Variants in GALNT17 observed in about 807,000 individuals in gnomAD.
The protein encoded by GALNT17 is UDP-GalNAc:polypeptide N-acetylgalactosaminyltransferase-like 3.
A neutral mutation model predicts 63.7 loss-of-function variants in GALNT17; 29 were observed. The observed-to-expected ratio is 0.46, with a 90% CI of 0.34 to 0.62. The LOEUF is 0.62. Ranked by LOEUF, GALNT17 falls within the 20% of genes least tolerant of loss-of-function variation. The pLI is 0.01. For missense variants in GALNT17, 603 were observed against 799.6 expected, an observed-to-expected ratio of 0.75 and a Z score of 2.97; for synonymous variants, 305 against 318.3, an observed-to-expected ratio of 0.96 and a Z score of 0.45.
At chr7:71,532,768 CAT>C (rs1157600779) in intron 5 of GALNT17, among the ~76,000 whole-genome samples, 2 of 152,188 alleles carry the variant, frequency 1.3e-5, no homozygotes, top group South Asian at 2.1e-4. Context: ...CTTCTACTCT[CAT>C]GTGGGGAGGA....
At chr7:71,701,504 G>C (rs763498159) in intron 9 of GALNT17, among the ~76,000 whole-genome samples, 4 of 151,278 alleles carry the variant, frequency 2.6e-5, no homozygotes, top group Non-Finnish European at 5.9e-5. Flanking sequence ...AAAAAAAAAA[G>C]AATATGACAT....
At chr7:71,597,646 G>A (rs998056132) in intron 6 of GALNT17, among the ~76,000 whole-genome samples, 1 of 152,212 alleles carries the variant, frequency 6.6e-6, no homozygotes, top group African/African-American at 2.4e-5. Flanking sequence ...AGGCGTTACA[G>A]TGATGGAGGG....
intron 5 of GALNT17, among the ~76,000 whole-genome samples, chr7:71,421,908 C>T (rs1385514147): frequency 6.6e-6 from 1 of 150,842 alleles, no homozygotes; most frequent in Non-Finnish European, 1.5e-5. Context: ...TGAGATCATG[C>T]CATTGCACTC....
At chr7:71,496,920 A>C (rs1314372028) in intron 5 of GALNT17, among the ~76,000 whole-genome samples, 1 of 151,492 alleles carries the variant, frequency 6.6e-6, no homozygotes, top group Non-Finnish European at 1.5e-5. Flanking sequence ...CAAAAATTAA[A>C]AAAAAAAAAT....
At chr7:71,490,408 C>T (rs1308532420) in intron 5 of GALNT17, among the ~76,000 whole-genome samples, 3 of 152,116 alleles carry the variant, frequency 2.0e-5, no homozygotes, top group Non-Finnish European at 4.4e-5. Context: ...CAAGTTATTC[C>T]TATCAGGGGC....
At chr7:71,639,163 A>G (rs1205871979) in intron 6 of GALNT17, among the ~76,000 whole-genome samples, 1 of 152,220 alleles carries the variant, frequency 6.6e-6, no homozygotes, top group African/African-American at 2.4e-5. Context: ...TGGGATTATT[A>G]TGCGTTACAT....
chr7:71,539,681 T>C lies in GALNT17; in HGVS notation c.963-31604T>C, dbSNP rs563249092. ...TGCATCAGAGACACATATGGACACA[T>C]ATCTATTTCAGGAGTTTAGTCCCAC... On this transcript the variant is annotated intron_variant, in intron 5 of 10. Coordinates refer to ENST00000333538, the MANE Select transcript of GALNT17 (RefSeq NM_022479.3). Among the ~76,000 whole-genome samples, 3 of 150,840 alleles carry C rather than the reference T, an allele frequency of 2.0e-5. No homozygotes were observed. In the South Asian group the frequency reaches 6.3e-4, roughly 32 times the overall value.
At chr7:71,313,433 C>T (rs1275225582) in intron 1 of GALNT17, among the ~76,000 whole-genome samples, 1 of 152,104 alleles carries the variant, frequency 6.6e-6, no homozygotes, top group South Asian at 2.1e-4. Flanking sequence ...TTGAAAGAGC[C>T]AATGAAAAAG....
At chr7:71,551,255 G>A (rs2116830366) in intron 5 of GALNT17, among the ~76,000 whole-genome samples, 1 of 152,182 alleles carries the variant, frequency 6.6e-6, no homozygotes, top group South Asian at 2.1e-4. Flanking sequence ...GATCCACTGA[G>A]TTCTTAATTT....
At chr7:71,183,291 C>G (rs1788768633) in intron 1 of GALNT17, among the ~76,000 whole-genome samples, 1 of 152,124 alleles carries the variant, frequency 6.6e-6, no homozygotes, top group Non-Finnish European at 1.5e-5. Context: ...CATTTCTTCC[C>G]AGTGTAGCTC....
At chr7:71,472,771 C>T (rs1239149696) in intron 5 of GALNT17, among the ~76,000 whole-genome samples, 1 of 152,144 alleles carries the variant, frequency 6.6e-6, no homozygotes, top group Non-Finnish European at 1.5e-5. Context: ...CAGTGTTGCA[C>T]AATGGACCCT....
intron 5 of GALNT17, among the ~76,000 whole-genome samples, chr7:71,482,220 G>C (rs1787833526): frequency 6.6e-6 from 1 of 150,760 alleles, no homozygotes. Flanking sequence ...TGCGATCTCG[G>C]CTCACTGCAA....
chr7:71,377,114 A>AATATATATATAT lies in GALNT17; in HGVS notation c.423-11105_423-11094dup, dbSNP rs1554362119. 3.5e-4 allele frequency among the ~76,000 whole-genome samples: 20 copies of AATATATATATAT among 57,458 alleles called. 1 individual carries two copies. Among genetic ancestry groups the AATATATATATAT allele is most frequent in the African/African-American group, 4.7e-4 (5 of 10,674 alleles). The allele number at this position is 57,458 out of a possible 152,430, so 37.7% of individuals were successfully genotyped here. ...AAAAAAAAAAAATAAAAATAAAAAA[A>AATATATATATAT]ATATATATATATATATATATATATA... is the stretch of plus-strand genomic sequence containing the variant. On this transcript the variant is annotated intron_variant, in intron 2 of 10. Transcript: ENST00000333538.
rs1449511113 is a variant in GALNT17 at position 71,132,265 on chromosome 7, C to G, written c.-538C>G. 1 of 152,158 alleles carries G rather than the reference C, an allele frequency of 6.6e-6. No homozygotes were observed. The highest frequency in any genetic ancestry group is 1.9e-4 in the East Asian group (1 of 5,152). 9.4% of individuals were successfully genotyped at this position (152,158 alleles called of 1,614,324 possible). A position where few individuals can be genotyped will look rare whatever the true frequency, so the allele number is the denominator to read the frequency against. On this transcript the variant is annotated 5_prime_UTR_variant, in exon 1 of 11. Coordinates refer to ENST00000333538, the MANE Select transcript of GALNT17 (RefSeq NM_022479.3). ...AAGGCGCCTGCCCGGGGGAGCGGGT[C>G]TTCCGCTGAAGAGCGCGGGTGGCGC...
chr7:71,462,501 A>G (rs1787468550), intron 5 of GALNT17, among the ~76,000 whole-genome samples: 1 of 152,034 alleles, frequency 6.6e-6, no homozygotes, highest in African/African-American at 2.4e-5. Flanking sequence ...AGGGTTGAGG[A>G]CTCACACCCC....
chr7:71,666,398 A>C (rs1026549706), intron 7 of GALNT17, among the ~76,000 whole-genome samples: 1 of 150,178 alleles, frequency 6.7e-6, no homozygotes, highest in East Asian at 1.9e-4. Flanking sequence ...GGCAGCACAA[A>C]ATTTTTTTAA....
rs531597147 is a variant in GALNT17 at position 71,554,274 on chromosome 7, T to C, written c.963-17011T>C. Among the ~76,000 whole-genome samples, 29 of 152,294 alleles carry C rather than the reference T, an allele frequency of 1.9e-4. No individual in the cohort carries two copies. In the Middle Eastern group the frequency reaches 0.01, roughly 54 times the overall value. ...GGTTTTTCCCATGCTGTTCTCATGA[T>C]AGTGGATAAATCTCGTGAGATCTGA... On this transcript the variant is annotated intron_variant, in intron 5 of 10. Coordinates refer to ENST00000333538, the MANE Select transcript of GALNT17 (RefSeq NM_022479.3).
chr7:71,544,091 C>G (rs1302856250), intron 5 of GALNT17, among the ~76,000 whole-genome samples: 1 of 151,234 alleles, frequency 6.6e-6, no homozygotes, highest in Non-Finnish European at 1.5e-5. Context: ...CCTCACCCAG[C>G]CTTTTAACTC....
intron 2 of GALNT17, among the ~76,000 whole-genome samples, chr7:71,383,360 A>G (rs927137191): frequency 6.6e-6 from 1 of 152,196 alleles, no homozygotes; most frequent in Non-Finnish European, 1.5e-5. Flanking sequence ...TATACTTTAA[A>G]TCATCTCTAG....
Sources: gnomAD v4.1 joint callset for allele counts (sites outside exome capture counted in the v4.1 genomes callset) on GRCh38, gnomAD v4.1.1 for gene constraint, MANE v1.5 for transcripts, NCBI Gene and HGNC (gene_info 2026-07-23, HGNC 2026-07-21) for gene names.